DCC: variants seen among roughly 807,000 people sequenced by gnomAD.
DCC encodes netrin receptor DCC.
DCC carries 58 observed loss-of-function variants against 172.5 expected under a neutral mutation model. The observed-to-expected ratio is 0.34, with a 90% CI of 0.27 to 0.42. The LOEUF (loss-of-function observed/expected upper bound fraction) is 0.42. DCC is among the 10% of genes least tolerant of loss of function. The probability of loss-of-function intolerance (pLI) is 1.00; values close to 1 mark genes in which losing one functional copy is unlikely to be tolerated. For synonymous variants in DCC, 709 were observed against 644.5 expected (o/e 1.10, Z -1.52); for missense variants, 1,740 against 1,791.0 (o/e 0.97, Z 0.51).
At chr18:52,691,808 TC>T (rs1249291083) in intron 1 of DCC, among the ~76,000 whole-genome samples, 5 of 152,096 alleles carry the variant, frequency 3.3e-5, no homozygotes, top group Non-Finnish European at 7.4e-5. Context: ...CCATTATTGA[TC>T]AACCTCACTC....
At chr18:53,020,245 A>T (rs2041861251) in intron 5 of DCC, among the ~76,000 whole-genome samples, 1 of 152,206 alleles carries the variant, frequency 6.6e-6, no homozygotes, top group Non-Finnish European at 1.5e-5. Flanking sequence ...CCCAAAACAT[A>T]CTTTTGGCTT....
intron 7 of DCC, among the ~76,000 whole-genome samples, chr18:53,119,826 A>T (rs1328330918): frequency 1.3e-5 from 2 of 151,794 alleles, no homozygotes; most frequent in African/African-American, 4.8e-5. Flanking sequence ...ACCTCTTTAC[A>T]CATTGTGGAT....
chr18:53,407,669 A>G (rs374922015), intron 19 of DCC, among the ~76,000 whole-genome samples: 4 of 150,452 alleles, frequency 2.7e-5, no homozygotes, highest in East Asian at 3.9e-4. Context: ...GATATATTAC[A>G]TAGTAATATA....
intron 9 of DCC, among the ~76,000 whole-genome samples, chr18:53,201,142 C>T (rs2144538009): frequency 6.6e-6 from 1 of 152,284 alleles, no homozygotes; most frequent in East Asian, 1.9e-4. Context: ...GATACCCACT[C>T]ATCTCCCAGT....
At chr18:52,875,193 A>G (rs2039384741) in intron 2 of DCC, among the ~76,000 whole-genome samples, 1 of 151,842 alleles carries the variant, frequency 6.6e-6, no homozygotes, top group Admixed American at 6.6e-5. Context: ...TGTCAAAACA[A>G]TATAATAAAC....
At chr18:53,328,736 C>T (rs143180890) in intron 14 of DCC, among the ~76,000 whole-genome samples, 3 of 152,076 alleles carry the variant, frequency 2.0e-5, no homozygotes, top group Admixed American at 1.3e-4. Context: ...GGTTTCACCA[C>T]GTGGGCCAGG....
intron 9 of DCC, among the ~76,000 whole-genome samples, chr18:53,188,862 T>C (rs2055325708): frequency 6.6e-6 from 1 of 152,154 alleles, no homozygotes; most frequent in Non-Finnish European, 1.5e-5. Context: ...TCTGCCTGCA[T>C]CTCCACATGG....
At chr18:52,839,142 G>A (rs11873842) in intron 2 of DCC, among the ~76,000 whole-genome samples, 3,744 of 152,152 alleles carry the variant, frequency 0.025, 137 homozygotes, top group African/African-American at 0.082. Flanking sequence ...CTATAAAAAC[G>A]TTTTACTTAG....
At chr18:52,875,393 G>C (rs1195899332) in intron 2 of DCC, among the ~76,000 whole-genome samples, 2 of 152,124 alleles carry the variant, frequency 1.3e-5, no homozygotes, top group African/African-American at 4.8e-5. Context: ...CCAAAGAAAA[G>C]TTGGTAGCAT....
intron 24 of DCC, among the ~76,000 whole-genome samples, chr18:53,467,162 G>A (rs1742393806): frequency 6.6e-6 from 1 of 151,858 alleles, no homozygotes; most frequent in Admixed American, 6.6e-5. Context: ...ATATAGGTGT[G>A]TACTTATATA....
chr18:52,638,615 A>G (rs1193048359), intron 1 of DCC, among the ~76,000 whole-genome samples: 1 of 152,186 alleles, frequency 6.6e-6, no homozygotes, highest in Non-Finnish European at 1.5e-5. Context: ...GGCCTTGTCC[A>G]ACAGGAAAAT....
chr18:52,701,740 C>A (rs527655591), intron 1 of DCC, among the ~76,000 whole-genome samples: 1 of 152,264 alleles, frequency 6.6e-6, no homozygotes, highest in East Asian at 1.9e-4. Flanking sequence ...TCTTCCTATC[C>A]TCTACCTTCT....
At chr18:52,975,838 T>C (rs2145594803) in intron 5 of DCC, among the ~76,000 whole-genome samples, 1 of 152,338 alleles carries the variant, frequency 6.6e-6, no homozygotes, top group South Asian at 2.1e-4. Flanking sequence ...TGTGTCTTTA[T>C]AATATAATGA....
chr18:53,380,129 CATG>C (rs968124690), intron 15 of DCC, among the ~76,000 whole-genome samples: 18 of 152,124 alleles, frequency 1.2e-4, no homozygotes, highest in Non-Finnish European at 2.5e-4. Context: ...TTGGAATCAT[CATG>C]ATAATATTAA....
intron 2 of DCC, among the ~76,000 whole-genome samples, chr18:52,804,504 A>G (rs1427291244): frequency 2.6e-5 from 4 of 152,198 alleles, no homozygotes; most frequent in Non-Finnish European, 5.9e-5. Context: ...ACAAAAAAAG[A>G]TAAGAATCAA....
At chr18:52,700,170 A>T (rs556538836) in intron 1 of DCC, among the ~76,000 whole-genome samples, 2 of 150,212 alleles carry the variant, frequency 1.3e-5, no homozygotes, top group Non-Finnish European at 3.0e-5. Flanking sequence ...ATGCACACGC[A>T]CACACACATG....
intron 14 of DCC, among the ~76,000 whole-genome samples, chr18:53,333,521 C>T (rs1010163384): frequency 2.6e-5 from 4 of 152,192 alleles, no homozygotes; most frequent in African/African-American, 9.7e-5. Flanking sequence ...TTACCAAGAT[C>T]TGGCACAGAC....
intron 9 of DCC, among the ~76,000 whole-genome samples, chr18:53,195,791 A>T (rs922879605): frequency 1.3e-5 from 2 of 152,140 alleles, no homozygotes; most frequent in African/African-American, 4.8e-5. Context: ...ATCATCCCAG[A>T]TTCCTATGTA....
In DCC at chr18:52,388,017, C is replaced by T. The variant is rs149903885; in HGVS notation, c.91+47139C>T. Among the ~76,000 whole-genome samples, 1,241 of 152,112 alleles carry T rather than the reference C, an allele frequency of 8.2e-3. 23 individuals carry two copies. Among genetic ancestry groups the T allele is most frequent in the African/African-American group, 0.028 (1,159 of 41,470 alleles). ...CATGGCACATGCATCCATGGGCATA[C>T]TAATCACATCGTGGTCTATGTGAGG... is the stretch of plus-strand genomic sequence containing the variant. On this transcript the variant is annotated intron_variant, in intron 1 of 28. Coordinates refer to ENST00000442544, the MANE Select transcript of DCC (RefSeq NM_005215.4).
Sources: allele counts gnomAD v4.1 joint callset (sites outside exome capture counted in the v4.1 genomes callset), GRCh38; gene constraint gnomAD v4.1.1; transcripts MANE v1.5; gene names NCBI Gene and HGNC (gene_info 2026-07-23, HGNC 2026-07-21).